The following CSMD1 variants were observed in gnomAD, a reference collection of about 807,000 sequenced individuals.
The protein encoded by CSMD1 is CUB and Sushi multiple domains 1, also known as CUB and sushi domain-containing protein 1.
A neutral mutation model predicts 417.5 loss-of-function variants in CSMD1; 213 were observed. The ratio of observed to expected loss-of-function variants is 0.51; its 90% confidence interval spans 0.46 to 0.57. CSMD1 has a LOEUF of 0.57. Ranked by LOEUF, CSMD1 falls within the 20% of genes least tolerant of loss-of-function variation. The probability of loss-of-function intolerance (pLI) is 0.00; values close to 1 mark genes in which losing one functional copy is unlikely to be tolerated. For synonymous variants in CSMD1, 2,862 were observed against 1,736.8 expected, an observed-to-expected ratio of 1.65 and a Z score of -16.11; for missense variants, 6,923 against 4,529.7, an observed-to-expected ratio of 1.53 and a Z score of -15.17.
At chr8:3,536,090 G>A (rs190334493) in intron 10 of CSMD1, among the ~76,000 whole-genome samples, 12 of 152,312 alleles carry the variant, frequency 7.9e-5, no homozygotes, top group African/African-American at 2.6e-4. Context: ...TCCCCAAGTA[G>A]CTGATAAATA....
intron 26 of CSMD1, among the ~76,000 whole-genome samples, chr8:3,260,010 A>C (rs1800937263): frequency 6.6e-6 from 1 of 151,996 alleles, no homozygotes; most frequent in African/African-American, 2.4e-5. Context: ...TAAAATAGCT[A>C]CTCTCTGACT....
chr8:3,294,378 A>G (rs1803806135), intron 25 of CSMD1, among the ~76,000 whole-genome samples: 1 of 152,156 alleles, frequency 6.6e-6, no homozygotes, highest in Admixed American at 6.5e-5. Flanking sequence ...AAGTCTGCAG[A>G]GGTTTCTGCT....
chr8:3,529,120 A>C (rs1479258251), intron 10 of CSMD1, among the ~76,000 whole-genome samples: 1 of 152,224 alleles, frequency 6.6e-6, no homozygotes, highest in African/African-American at 2.4e-5. Context: ...ACTAATCATT[A>C]TTTCATTAAA....
chr8:4,737,524 C>G lies in CSMD1; in HGVS notation c.86-99966G>C, dbSNP rs941051458. 2.6e-5 allele frequency among the ~76,000 whole-genome samples: 4 copies of G among 152,108 alleles called. No homozygotes were observed. The East Asian group carries it at 5.8e-4, about 22-fold the overall frequency. On this transcript the variant is annotated intron_variant, in intron 1 of 69. Transcript: ENST00000635120. The stretch of plus-strand genomic sequence containing the variant: ...TAAAAAAAAACATAAAACATCATTA[C>G]CAGACACATGATTGATGATTTCCCT...
rs1456338598 is a variant in CSMD1 at position 3,982,986 on chromosome 8, C to A, written c.818+14917G>T. Among the ~76,000 whole-genome samples the A allele has an allele frequency of 2.0e-5, 3 of 152,024 alleles. No individual in the cohort carries two copies. The East Asian group carries it at 5.8e-4, about 29-fold the overall frequency. The stretch of plus-strand genomic sequence containing the variant: ...AAACAAACAAACGACAAATAGGGCC[C>A]CTAGAGCTAGTTAGTAGCCCAAGAC... On this transcript the variant is annotated intron_variant, in intron 5 of 69. Coordinates refer to ENST00000635120, the MANE Select transcript of CSMD1 (RefSeq NM_033225.6).
intron 3 of CSMD1, among the ~76,000 whole-genome samples, chr8:4,036,898 A>T (rs925460093): frequency 1.3e-5 from 2 of 151,788 alleles, no homozygotes; most frequent in Non-Finnish European, 2.9e-5. Context: ...AAAGATGACC[A>T]TGTTTGCATG....
At chr8:3,498,212 G>C (rs993470652) in intron 10 of CSMD1, among the ~76,000 whole-genome samples, 1 of 152,044 alleles carries the variant, frequency 6.6e-6, no homozygotes, top group South Asian at 2.1e-4. Context: ...TGACTGTTTT[G>C]TCTTGCTGTT....
chr8:3,876,995 T>C (rs746755145), intron 5 of CSMD1, among the ~76,000 whole-genome samples: 6 of 152,216 alleles, frequency 3.9e-5, no homozygotes, highest in Non-Finnish European at 5.9e-5. Context: ...TCTCAAGCAA[T>C]AACATACTTT....
chr8:4,612,752 C>T lies in CSMD1; in HGVS notation c.302+24590G>A, dbSNP rs150019538. Among the ~76,000 whole-genome samples the T allele has an allele frequency of 1.4e-3, 215 of 152,252 alleles. 2 individuals carry two copies. Among genetic ancestry groups the T allele is most frequent in the African/African-American group, 4.9e-3 (203 of 41,552 alleles). On this transcript the variant is annotated intron_variant, in intron 2 of 69. Transcript: ENST00000635120. The stretch of plus-strand genomic sequence containing the variant: ...GTTTGTGTGTGCAAATGTGTGTGTA[C>T]CTGCAAATCTATGCACACTCAACAA...
intron 2 of CSMD1, among the ~76,000 whole-genome samples, chr8:4,531,438 A>C (rs1796813481): frequency 6.6e-6 from 1 of 152,174 alleles, no homozygotes; most frequent in Non-Finnish European, 1.5e-5. Context: ...GCTTTCGGTG[A>C]GTAATTTGGT....
rs770226773 is a variant in CSMD1, at chr8:4,441,324, GC to G, written c.303-21260del. On this transcript the variant is annotated intron_variant, in intron 2 of 69. Coordinates refer to ENST00000635120, the MANE Select transcript of CSMD1 (RefSeq NM_033225.6). ...AGGGAGGTCTCACTCTGCCCCCTAG[GC>G]TAGTTTTAAACAGCTGGCCCCAAGC... Among the ~76,000 whole-genome samples the G allele has an allele frequency of 3.4e-5, 5 of 145,578 alleles. No individual in the cohort carries two copies. The East Asian group carries it at 1.0e-3, about 30-fold the overall frequency.
chr8:4,407,291 A>G (rs1805097405), intron 3 of CSMD1, among the ~76,000 whole-genome samples: 2 of 152,232 alleles, frequency 1.3e-5, no homozygotes, highest in African/African-American at 4.8e-5. Flanking sequence ...TTTCATAGGA[A>G]TAAAATCACT....
At chr8:4,198,672 G>A (rs1396120871) in intron 3 of CSMD1, among the ~76,000 whole-genome samples, 1 of 151,954 alleles carries the variant, frequency 6.6e-6, no homozygotes, top group African/African-American at 2.4e-5. Context: ...TTCCAGATGG[G>A]GCTGGTAAAA....
At chr8:4,707,713 C>A (rs1442211582) in intron 1 of CSMD1, among the ~76,000 whole-genome samples, 1 of 151,726 alleles carries the variant, frequency 6.6e-6, no homozygotes, top group African/African-American at 2.4e-5. Flanking sequence ...ATGGTCAAAC[C>A]CCATCTCTAC....
intron 3 of CSMD1, among the ~76,000 whole-genome samples, chr8:4,322,094 T>G (rs1799302413): frequency 6.6e-6 from 1 of 152,198 alleles, no homozygotes; most frequent in Non-Finnish European, 1.5e-5. Context: ...AACTCTTTAA[T>G]TACATAAATA....
intron 2 of CSMD1, among the ~76,000 whole-genome samples, chr8:4,574,880 A>G (rs773154886): frequency 6.6e-6 from 1 of 152,224 alleles, no homozygotes; most frequent in Non-Finnish European, 1.5e-5. Context: ...ATTTAAATAG[A>G]CTTTCTTTGT....
chr8:4,285,013 T>A (rs917044744), intron 3 of CSMD1, among the ~76,000 whole-genome samples: 1 of 152,148 alleles, frequency 6.6e-6, no homozygotes, highest in Non-Finnish European at 1.5e-5. Flanking sequence ...AAAATGGGGA[T>A]AATAATGGTG....
chr8:3,276,941 C>T (rs750991450), intron 26 of CSMD1, among the ~76,000 whole-genome samples: 4 of 152,116 alleles, frequency 2.6e-5, no homozygotes, highest in African/African-American at 4.8e-5. Context: ...CCACAATGGG[C>T]TAAGCACTAT....
chr8:4,434,935 G>A (rs769856956), intron 2 of CSMD1, among the ~76,000 whole-genome samples: 1 of 152,146 alleles, frequency 6.6e-6, no homozygotes, highest in African/African-American at 2.4e-5. Context: ...AGTGACAACA[G>A]ATGTTAAAAC....
Sources: allele counts gnomAD v4.1 joint callset (sites outside exome capture counted in the v4.1 genomes callset), GRCh38; gene constraint gnomAD v4.1.1; transcripts MANE v1.5; gene names NCBI Gene and HGNC (gene_info 2026-07-23, HGNC 2026-07-21).